The following SPAG17 variants were observed in gnomAD, a reference collection of about 807,000 sequenced individuals.
SPAG17 encodes sperm associated antigen 17.
SPAG17 carries 169 observed loss-of-function variants against 273.6 expected under a neutral mutation model. The ratio of observed to expected loss-of-function variants is 0.62; its 90% confidence interval spans 0.55 to 0.70. The LOEUF (loss-of-function observed/expected upper bound fraction) is 0.70. SPAG17 is among the 30% of genes least tolerant of loss of function. The pLI, the probability that SPAG17 is intolerant of heterozygous loss-of-function variation, is 0.00. For synonymous variants in SPAG17, 825 were observed against 873.2 expected (o/e 0.94, Z 0.97); for missense variants, 2,557 against 2,627.8 (o/e 0.97, Z 0.59).
At chr1:118,037,958 C>A (rs908806339) in intron 23 of SPAG17, among the ~76,000 whole-genome samples, 1 of 151,864 alleles carries the variant, frequency 6.6e-6, no homozygotes, top group African/African-American at 2.4e-5. Flanking sequence ...TTCAAATGAA[C>A]CATGGAACAA....
At position 118,095,688 on chromosome 1, in the gene SPAG17, G is replaced by A. The variant is rs573603439; in HGVS notation, c.1011+1982C>T. 9.2e-5 allele frequency among the ~76,000 whole-genome samples: 14 copies of A among 152,288 alleles called. No individual in the cohort carries two copies. The East Asian group carries it at 2.7e-3, about 29-fold the overall frequency. ...TGAGGTGGGATTTCAGGATCCCAAG[G>A]AAATAGCCTCTTCCCCCTAAATATG... On this transcript the variant is annotated intron_variant, in intron 7 of 48. Coordinates refer to ENST00000336338, the MANE Select transcript of SPAG17 (RefSeq NM_206996.4).
intron 27 of SPAG17, among the ~76,000 whole-genome samples, chr1:118,024,510 A>C (rs1226774815): frequency 6.6e-6 from 1 of 151,652 alleles, no homozygotes; most frequent in Non-Finnish European, 1.5e-5. Context: ...CTTTACTTTT[A>C]TGGGATTGCT....
chr1:118,051,905 CTA>C (rs1184035331), intron 20 of SPAG17, among the ~76,000 whole-genome samples: 2 of 131,932 alleles, frequency 1.5e-5, no homozygotes, highest in Non-Finnish European at 3.1e-5. Flanking sequence ...AATATATAAA[CTA>C]TTATAATACA....
At chr1:118,066,697 C>T (rs369711460) in intron 18 of SPAG17, 48 bp downstream of exon 18, 7 of 1,534,016 alleles carry the variant, frequency 4.6e-6, no homozygotes, top group Non-Finnish European at 6.2e-6. Context: ...AACTGGCAAG[C>T]TAACTAAACC....
At chr1:117,981,747 G>A (rs72631709) in intron 42 of SPAG17, among the ~76,000 whole-genome samples, 6,351 of 152,222 alleles carry the variant, frequency 0.042, 367 homozygotes, top group East Asian at 0.31. Context: ...ACCTGGTAAC[G>A]GCAACTGAGA....
intron 3 of SPAG17, among the ~76,000 whole-genome samples, chr1:118,135,784 A>T (rs1422205890): frequency 6.6e-6 from 1 of 152,182 alleles, no homozygotes; most frequent in Admixed American, 6.5e-5. Context: ...AGACAATGGG[A>T]AACACTTTCT....
At chr1:118,066,345 C>T (rs1298706664) in intron 18 of SPAG17, among the ~76,000 whole-genome samples, 2 of 152,050 alleles carry the variant, frequency 1.3e-5, no homozygotes, top group South Asian at 2.1e-4. Flanking sequence ...TGGTATATTA[C>T]TCAGCTGACC....
chr1:117,973,330 A>C, intron 44 of SPAG17, 95 bp downstream of exon 44: 1 of 1,478,608 alleles, frequency 6.8e-7, no homozygotes, highest in Admixed American at 2.0e-5. Context: ...ATTACATAAA[A>C]TCTACAAAAG....
chr1:117,998,466 T>TA (rs1272893128), intron 32 of SPAG17, among the ~76,000 whole-genome samples: 1 of 152,154 alleles, frequency 6.6e-6, no homozygotes, highest in Non-Finnish European at 1.5e-5. Context: ...AGCCCTGTAG[T>TA]ACAGCTGAAG....
intron 31 of SPAG17, 65 bp downstream of exon 31, chr1:118,007,979 A>C (rs955651625): frequency 1.5e-5 from 24 of 1,593,998 alleles, no homozygotes; most frequent in Middle Eastern, 1.7e-4. Flanking sequence ...TGCCCCAGAG[A>C]AGTGGGTTTT....
intron 38 of SPAG17, among the ~76,000 whole-genome samples, chr1:117,989,075 A>C (rs1245328044): frequency 6.6e-6 from 1 of 152,200 alleles, no homozygotes; most frequent in Non-Finnish European, 1.5e-5. Flanking sequence ...CAAAAGCTAC[A>C]GGGTAGCGTT....
intron 48 of SPAG17, among the ~76,000 whole-genome samples, chr1:117,958,599 C>CT (rs1652560343): frequency 6.6e-6 from 1 of 152,142 alleles, no homozygotes; most frequent in African/African-American, 2.4e-5. Flanking sequence ...CTCATTCTGT[C>CT]TTTGAGTTTT....
At chr1:118,184,924 C>A (rs1325502595) in intron 1 of SPAG17, 147 bp downstream of exon 1, 2 of 702,884 alleles carry the variant, frequency 2.8e-6, no homozygotes, top group Non-Finnish European at 4.9e-6. Flanking sequence ...TCAAGCACTT[C>A]CTGTCCCTGG....
At chr1:118,034,661 T>C (rs1309456577) in intron 24 of SPAG17, among the ~76,000 whole-genome samples, 1 of 152,066 alleles carries the variant, frequency 6.6e-6, no homozygotes, top group Non-Finnish European at 1.5e-5. Context: ...CATGAGAAAA[T>C]GGGCAGATGT....
chr1:117,968,082 A>C (rs1441287505), intron 46 of SPAG17, among the ~76,000 whole-genome samples: 1 of 152,198 alleles, frequency 6.6e-6, no homozygotes, highest in African/African-American at 2.4e-5. Flanking sequence ...GCATGAAGAG[A>C]GCTGGAATAC....
intron 3 of SPAG17, among the ~76,000 whole-genome samples, chr1:118,118,246 T>C (rs1486477588): frequency 2.6e-5 from 4 of 152,176 alleles, no homozygotes; most frequent in African/African-American, 9.7e-5. Flanking sequence ...AGAATAAATC[T>C]CCAACATTCT....
intron 1 of SPAG17, among the ~76,000 whole-genome samples, chr1:118,152,077 A>C (rs1227815681): frequency 6.6e-6 from 1 of 152,174 alleles, no homozygotes; most frequent in Non-Finnish European, 1.5e-5. Context: ...ACCAACTGTG[A>C]GATGCTGGGG....
At chr1:117,964,101 A>G (rs1198768039) in intron 47 of SPAG17, 163 bp from the exon 48 acceptor site, 1 of 675,602 alleles carries the variant, frequency 1.5e-6, no homozygotes, top group Non-Finnish European at 2.4e-6. Flanking sequence ...CTTGGGGGTT[A>G]GAGGATGGAT....
At chr1:118,075,773 C>T (rs1227738616) in intron 15 of SPAG17, among the ~76,000 whole-genome samples, 1 of 152,132 alleles carries the variant, frequency 6.6e-6, no homozygotes, top group Non-Finnish European at 1.5e-5. Flanking sequence ...ATACACTGGC[C>T]TGCTTGCTGT....
Sources: gnomAD v4.1 joint callset for allele counts (sites outside exome capture counted in the v4.1 genomes callset) on GRCh38, gnomAD v4.1.1 for gene constraint, MANE v1.5 for transcripts, NCBI Gene and HGNC (gene_info 2026-07-23, HGNC 2026-07-21) for gene names.